Variants in LAMB4 observed in about 807,000 individuals in gnomAD.
LAMB4 encodes laminin subunit beta-4.
LAMB4 carries 196 observed loss-of-function variants against 199.2 expected under a neutral mutation model. That is an observed-to-expected ratio of 0.98 (90% CI 0.88 to 1.11). The LOEUF is 1.11. Among genes scored for constraint, LAMB4 ranks in the 50% least tolerant of loss-of-function variants. The pLI is 0.00. For synonymous variants in LAMB4, 744 were observed against 770.6 expected (o/e 0.97, Z 0.57); for missense variants, 2,080 against 2,171.2 (o/e 0.96, Z 0.83).
chr7:108,125,240 G>T (rs1376080593), intron 1 of LAMB4, among the ~76,000 whole-genome samples: 2 of 152,178 alleles, frequency 1.3e-5, no homozygotes, highest in African/African-American at 4.8e-5. Flanking sequence ...CACTTTTCTA[G>T]GTGGTACTTT....
chr7:108,085,790 T>A (rs1398953056), intron 14 of LAMB4, among the ~76,000 whole-genome samples: 1 of 152,138 alleles, frequency 6.6e-6, no homozygotes, highest in African/African-American at 2.4e-5. Context: ...ATTTTTTGTA[T>A]TTTTAATAGA....
intron 14 of LAMB4, among the ~76,000 whole-genome samples, chr7:108,081,452 C>T (rs2036937713): frequency 6.6e-6 from 1 of 152,218 alleles, no homozygotes; most frequent in Non-Finnish European, 1.5e-5. Flanking sequence ...TCTCGCTCTG[C>T]TCTTTCCTTT....
intron 11 of LAMB4, among the ~76,000 whole-genome samples, chr7:108,097,887 T>C (rs2037672167): frequency 6.6e-6 from 1 of 152,226 alleles, no homozygotes; most frequent in African/African-American, 2.4e-5. Context: ...CCCGTGTTTG[T>C]TCCAGTGGGG....
intron 23 of LAMB4, among the ~76,000 whole-genome samples, chr7:108,058,157 G>A (rs1017913330): frequency 1.3e-5 from 2 of 152,118 alleles, no homozygotes; most frequent in African/African-American, 4.8e-5. Flanking sequence ...AGCTGTTCAG[G>A]GACAGGTGGC....
At position 108,024,045 on chromosome 7, in the gene LAMB4, A is replaced by G. The variant is rs751114576; in HGVS notation, c.5280T>C (p.Tyr1760=). The change falls in exon 34 of 34, where the codon TAT becomes TAC. Residue 1760 remains tyrosine, a synonymous_variant. Transcript: ENST00000388781. The part of the protein sequence containing the change: ...VEQEKKYARC[Y]S ...TTTTGCTCTTTAACTCTGCCTAGCT[A>G]TAGCACCTAGCATATTTTTTTTCTT... The G allele has an allele frequency of 9.9e-6, 16 of 1,608,060 alleles. No individual in the cohort carries two copies. The South Asian group carries it at 1.2e-4, about 12-fold the overall frequency.
chr7:108,057,616 A>G (rs988450298), intron 24 of LAMB4, among the ~76,000 whole-genome samples: 3 of 152,222 alleles, frequency 2.0e-5, no homozygotes, highest in African/African-American at 7.2e-5. Flanking sequence ...ACGAATTTTA[A>G]TATAGGCTAA....
chr7:108,094,374 T>C (rs528445048), intron 12 of LAMB4, among the ~76,000 whole-genome samples: 1 of 152,352 alleles, frequency 6.6e-6, no homozygotes, highest in Non-Finnish European at 1.5e-5. Context: ...TCAGATTTTT[T>C]GACTTGTCTT....
rs1394991504 is a variant in LAMB4, at chr7:108,047,991, A to G, written c.4243T>C (p.Ser1415Pro). 5 of 1,614,056 alleles carry G rather than the reference A, an allele frequency of 3.1e-6. No individual in the cohort carries two copies. The Admixed American group carries it at 8.3e-5, about 27-fold the overall frequency. The change falls in exon 28 of 34, where the codon TCA becomes CCA. Residue 1415 changes from serine (S) to proline (P), a missense_variant. By Grantham distance (74) the Ser-to-Pro change is moderately conservative. Coordinates refer to ENST00000388781, the MANE Select transcript of LAMB4 (RefSeq NM_007356.3). Reference protein sequence around the residue: ...GPGCHGSLTLSTNALQKAQEA... With the variant: ...GPGCHGSLTLPTNALQKAQEA... Reference sequence around the variant, plus strand: ...TGGGCTTTTTGGAGGGCATTCGTTGAGAGGGTCAGGGAGCCGTGACAGCCG... The same window carrying G: ...TGGGCTTTTTGGAGGGCATTCGTTGGGAGGGTCAGGGAGCCGTGACAGCCG...
intron 14 of LAMB4, among the ~76,000 whole-genome samples, chr7:108,080,930 T>C (rs752343113): frequency 6.6e-6 from 1 of 152,008 alleles, no homozygotes; most frequent in Non-Finnish European, 1.5e-5. Context: ...GAGACCAGCC[T>C]GGCCAACATG....
rs769944369 is a variant in LAMB4 at position 108,049,326 on chromosome 7, C to G, written c.4122G>C (p.Lys1374Asn). ...KIPDIQILNE[K>N]VCGDPGNVPC... ...TGACCTTACCATCATGAATATTTACCTTTTCATTCAATATTTGGATATCTG... is the reference window on the plus strand; with the variant it reads ...TGACCTTACCATCATGAATATTTACGTTTTCATTCAATATTTGGATATCTG... The change falls in exon 27 of 34, where the codon AAG becomes AAC. Residue 1374 changes from lysine to asparagine, a missense_variant and splice_region_variant. Physicochemically the swap from Lys to Asn is moderately conservative, Grantham distance 94. Coordinates refer to ENST00000388781, the MANE Select transcript of LAMB4 (RefSeq NM_007356.3). The G allele has an allele frequency of 3.9e-5, 58 of 1,496,714 alleles. No individual in the cohort carries two copies. Among genetic ancestry groups the G allele is most frequent in the Non-Finnish European group, 7.4e-6 (8 of 1,079,324 alleles). 92.7% of individuals were successfully genotyped at this position (1,496,714 alleles called of 1,614,324 possible). A position where few individuals can be genotyped will look rare whatever the true frequency, so the allele number is the denominator to read the frequency against.
chr7:108,028,047 G>A (rs186273373), intron 33 of LAMB4, among the ~76,000 whole-genome samples: 2 of 152,192 alleles, frequency 1.3e-5, no homozygotes, highest in East Asian at 3.9e-4. Flanking sequence ...GCCTCCCAAA[G>A]TGTTGGGATT....
At chr7:108,111,267 T>C (rs2038214081) in intron 4 of LAMB4, among the ~76,000 whole-genome samples, 1 of 152,226 alleles carries the variant, frequency 6.6e-6, no homozygotes, top group South Asian at 2.1e-4. Context: ...AGCGCCAATG[T>C]AGGCTCAATA....
intron 33 of LAMB4, among the ~76,000 whole-genome samples, chr7:108,024,913 C>T (rs1208929937): frequency 6.6e-6 from 1 of 152,190 alleles, no homozygotes; most frequent in Non-Finnish European, 1.5e-5. Flanking sequence ...CAAAGAAACT[C>T]TGACATTAGA....
chr7:108,026,364 C>T (rs1028081792), intron 33 of LAMB4, among the ~76,000 whole-genome samples: 1 of 152,176 alleles, frequency 6.6e-6, no homozygotes, highest in Non-Finnish European at 1.5e-5. Flanking sequence ...TTCATCCTCT[C>T]TTCTCACTCT....
At chr7:108,041,354 TA>T (rs1563038866) in intron 29 of LAMB4, among the ~76,000 whole-genome samples, 2 of 152,120 alleles carry the variant, frequency 1.3e-5, no homozygotes, top group African/African-American at 2.4e-5. Flanking sequence ...CTCAAAGACC[TA>T]AAAAAAGATT....
At chr7:108,036,549 G>A (rs2035237773) in intron 30 of LAMB4, among the ~76,000 whole-genome samples, 1 of 152,124 alleles carries the variant, frequency 6.6e-6, no homozygotes, top group Non-Finnish European at 1.5e-5. Context: ...ATTAAACCTA[G>A]AAGGGGTTGG....
Position 108,095,258 on chromosome 7 carries a change from A to T in LAMB4, c.1440T>A (p.Tyr480Ter). The change falls in exon 12 of 34, where the codon TAT becomes TAA. Residue 480 changes from tyrosine to a stop codon, truncating the protein, a stop_gained. Coordinates refer to ENST00000388781, the MANE Select transcript of LAMB4 (RefSeq NM_007356.3). LOFTEE classifies it high-confidence loss of function. ...ATTCTTCGCAGTGTGCTCCGGTGAC[A>T]TATGACAGGCACAAGCATTGGCCTG... ...VDTGQCLCLSYVTGAHCEECT... is the reference protein window; with the variant it reads ...VDTGQCLCLS The T allele has an allele frequency of 6.2e-7, 1 of 1,614,044 alleles. No homozygotes were observed. The highest frequency in any genetic ancestry group is 8.5e-7 in the Non-Finnish European group (1 of 1,179,934).
At chr7:108,013,805 G>A in the LAMB4 span, among the ~76,000 whole-genome samples, 2 of 152,102 alleles carry the variant, frequency 1.3e-5, no homozygotes, top group African/African-American at 4.8e-5. Flanking sequence ...TAATCCAAAT[G>A]ACCATCAATA....
chr7:108,116,156 G>C lies in LAMB4; in HGVS notation c.40C>G (p.Leu14Val), dbSNP rs746885098. ...QLTLFLHLGW[L>V]SYSKAQDDCN... ...TCATCTTGAGCTTTTGAGTAACTGAGCCACCCTTGAACACAACAGAAATAG... is the reference window on the plus strand; with the variant it reads ...TCATCTTGAGCTTTTGAGTAACTGACCCACCCTTGAACACAACAGAAATAG... Residue 14 changes from leucine to valine, a missense_variant, in exon 3 of 34, where the codon CTC becomes GTC. Transcript: ENST00000388781. 22 of 1,613,700 alleles carry C rather than the reference G, an allele frequency of 1.4e-5. No individual in the cohort carries two copies. Among genetic ancestry groups the C allele is most frequent in the Non-Finnish European group, 1.9e-5 (22 of 1,179,736 alleles).
Sources: allele counts gnomAD v4.1 joint callset (sites outside exome capture counted in the v4.1 genomes callset), GRCh38; gene constraint gnomAD v4.1.1; transcripts MANE v1.5; gene names NCBI Gene and HGNC (gene_info 2026-07-23, HGNC 2026-07-21).